Variants in HOXA3 observed in about 807,000 individuals in gnomAD.
HOXA3 encodes homeobox protein Hox-A3.
Under a neutral mutation model 30.3 loss-of-function variants are expected in HOXA3, and 8 were observed. The ratio of observed to expected loss-of-function variants is 0.26; its 90% CI spans 0.15 to 0.48. HOXA3 has a LOEUF of 0.48. HOXA3 is among the 20% of genes least tolerant of loss of function. The probability of loss-of-function intolerance (pLI) is 0.99; values close to 1 mark genes in which losing one functional copy is unlikely to be tolerated. For missense variants in HOXA3, 653 were observed against 614.4 expected (o/e 1.06, Z -0.66); for synonymous variants, 323 against 273.1 (o/e 1.18, Z -1.80).
chr7:27,135,628 CTT>C (rs575702750), intron 2 of HOXA3, among the ~76,000 whole-genome samples: 63 of 152,298 alleles, frequency 4.1e-4, no homozygotes, highest in African/African-American at 1.5e-3. Context: ...TTCTTACACA[CTT>C]TAGGGGTCAT....
chr7:27,112,901 A>T (rs1048077934), intron 4 of HOXA3, among the ~76,000 whole-genome samples: 1 of 152,232 alleles, frequency 6.6e-6, no homozygotes, highest in Non-Finnish European at 1.5e-5. Flanking sequence ...CTTACAAAAT[A>T]ACAAAAATAT....
chr7:27,127,468 G>T (rs1383278209), intron 2 of HOXA3, among the ~76,000 whole-genome samples: 1 of 152,236 alleles, frequency 6.6e-6, no homozygotes, highest in Non-Finnish European at 1.5e-5. Context: ...TGCCACTAAT[G>T]AGAGAAATGT....
chr7:27,130,448 C>A, intron 2 of HOXA3: 1 of 1,218,044 alleles, frequency 8.2e-7, no homozygotes, highest in East Asian at 3.5e-5. Context: ...GCGGTGTCCG[C>A]GGCCCCATGC....
intron 1 of HOXA3, chr7:27,145,452 GTTTTGTTTTGTTTTGTTTTGTTTT>G (rs1562730695): frequency 1.1e-4 from 60 of 558,042 alleles, no homozygotes; most frequent in Non-Finnish European, 1.5e-4. Context: ...GTGAGGTTTT[GTTTTGTTTTGTTTTGTTTTGTTTT>G]GTTTTGTTTT....
rs189829974 is a variant in HOXA3 at position 27,135,684 on chromosome 7, C to T, written c.-390+4399G>A. Among the ~76,000 whole-genome samples, 1,268 of 152,334 alleles carry T rather than the reference C, an allele frequency of 8.3e-3. 8 individuals carry two copies. The highest frequency in any genetic ancestry group is 0.017 in the Middle Eastern group (5 of 294). The stretch of plus-strand genomic sequence containing the variant: ...AAAAAACCGGCCAATCAGAATCCCT[C>T]TTTTCAAATAAAGGAGGTTTCCTGC... On this transcript the variant is annotated intron_variant, in intron 2 of 5. Transcript: ENST00000612286.
Position 27,107,927 on chromosome 7 carries a change from G to A in HOXA3, c.1320C>T (p.Leu440=). 4 of 1,575,246 alleles carry A rather than the reference G, an allele frequency of 2.5e-6. No homozygotes were observed. The highest frequency in any genetic ancestry group is 3.5e-6 in the Non-Finnish European group (4 of 1,153,056). The change falls in exon 6 of 6, where the codon CTC becomes CTT. Residue 440 remains leucine, a synonymous_variant. Coordinates refer to ENST00000612286, the MANE Select transcript of HOXA3 (RefSeq NM_153631.3). The part of the protein sequence containing the change: ...SQGRIQEAPK[L]THL The stretch of plus-strand genomic sequence containing the variant: ...CCCAAGCCCACTATCACAGGTGGGT[G>A]AGCTTGGGTGCTTCCTGAATTCTTC...
intron 1 of HOXA3, chr7:27,140,591 G>C (rs1366704704): frequency 6.6e-6 from 1 of 152,214 alleles, no homozygotes; most frequent in Non-Finnish European, 1.5e-5. Context: ...AAGCCAACTG[G>C]GTCCCGGGTG....
At chr7:27,138,840 T>C (rs779161171) in intron 2 of HOXA3, among the ~76,000 whole-genome samples, 1 of 152,228 alleles carries the variant, frequency 6.6e-6, no homozygotes, top group Non-Finnish European at 1.5e-5. Context: ...GGCGGAAATC[T>C]CCTACTGACA....
chr7:27,109,589 T>C (rs1400047558), intron 5 of HOXA3, among the ~76,000 whole-genome samples: 3 of 152,232 alleles, frequency 2.0e-5, no homozygotes, highest in South Asian at 2.1e-4. Context: ...AGGAGATCTT[T>C]GGCTGCTTTC....
rs1020839960 is a variant in HOXA3, at chr7:27,110,247, T to C, written c.394A>G (p.Ser132Gly). Residue 132 changes from serine to glycine, a missense_variant, in exon 5 of 6, where the codon AGC becomes GGC. By Grantham distance (56) the Ser-to-Gly change is moderately conservative. Around this residue, in one of 3 missense-constraint regions of HOXA3, gnomAD observed 320 missense variants for 321.9 expected, o/e 0.99. Transcript: ENST00000612286. ...PSSASPPQNA[S>G]NNPTPANAAK... is the part of the protein sequence containing the mutation. ...GCGTTGGCAGGGGTAGGGTTGTTGC[T>C]GGCATTCTGAGGAGGGGAGGCAGAA... 7 of 1,592,282 alleles carry C rather than the reference T, an allele frequency of 4.4e-6. No individual in the cohort carries two copies. The highest frequency in any genetic ancestry group is 5.1e-6 in the Non-Finnish European group (6 of 1,172,666).
At chr7:27,134,532 G>A (rs964950361) in intron 2 of HOXA3, among the ~76,000 whole-genome samples, 1 of 152,190 alleles carries the variant, frequency 6.6e-6, no homozygotes, top group Non-Finnish European at 1.5e-5. Context: ...CAATAAAAAG[G>A]TTTTTCCCAA....
intron 2 of HOXA3, chr7:27,130,405 G>A: frequency 8.6e-7 from 1 of 1,168,042 alleles, no homozygotes; most frequent in East Asian, 3.9e-5. Flanking sequence ...CGGCCGCCCG[G>A]GGCTGGCGCC....
At chr7:27,127,885 T>A (rs557971515) in intron 2 of HOXA3, among the ~76,000 whole-genome samples, 4 of 152,236 alleles carry the variant, frequency 2.6e-5, no homozygotes, top group African/African-American at 9.6e-5. Flanking sequence ...CATTGGAGAG[T>A]GTACTTGTAA....
Position 27,128,425 on chromosome 7 carries a change from A to T in HOXA3, c.-389-1355T>A, listed in dbSNP as rs764951635. 3 of 152,274 alleles carry T rather than the reference A, an allele frequency of 2.0e-5. No homozygotes were observed. In the South Asian group the frequency reaches 6.2e-4, roughly 32 times the overall value. The allele number at this position is 152,274 out of a possible 1,614,324, so 9.4% of individuals were successfully genotyped here. A position where few individuals can be genotyped will look rare whatever the true frequency, so the allele number is the denominator to read the frequency against. On this transcript the variant is annotated intron_variant, in intron 2 of 5. Transcript: ENST00000612286. ...AATCCAAGTGAATCCAGCTCAAGCT[A>T]TCTACAAGGTTTTTACATGCAAGGT...
chr7:27,114,828 A>ATATATATAATATATATTATATATAT lies in HOXA3; in HGVS notation c.-120-4069_-120-4068insATATATATAATATATATTATATATA, dbSNP rs1784595327. Among the ~76,000 whole-genome samples the ATATATATAATATATATTATATATAT allele has an allele frequency of 3.4e-4, 21 of 62,346 alleles. 1 individual carries two copies. In the South Asian group the frequency reaches 4.7e-3, roughly 14 times the overall value. 40.9% of individuals were successfully genotyped at this position (62,346 alleles called of 152,430 possible). ...TTCCTAAAACATACATATATATATAATATATATTATATATATAATATATAT... is the reference window on the plus strand; with the variant it reads ...TTCCTAAAACATACATATATATATAATATATATAATATATATTATATATATTATATATTATATATATAATATATAT... On this transcript the variant is annotated intron_variant, in intron 4 of 5. Transcript: ENST00000612286.
intron 4 of HOXA3, among the ~76,000 whole-genome samples, chr7:27,111,630 A>G (rs1028765298): frequency 6.6e-5 from 10 of 151,188 alleles, no homozygotes; most frequent in African/African-American, 2.4e-4. Flanking sequence ...AGCCACCCCC[A>G]CTTCTTTACT....
At chr7:27,130,158 G>C in intron 2 of HOXA3, 1 of 1,602,346 alleles carries the variant, frequency 6.2e-7, no homozygotes. Context: ...GGTACACCAC[G>C]GGCTCCTTGC....
rs753413571 is a variant in HOXA3, at chr7:27,108,274, G to T, written c.973C>A (p.Pro325Thr). The change falls in exon 6 of 6, where the codon CCA becomes ACA. Residue 325 changes from proline to threonine, a missense_variant. Pro to Thr is a conservative substitution (Grantham distance 38, BLOSUM62 -1). Transcript: ENST00000612286. The surrounding 1 kb of genome is among the most constrained non-coding windows in gnomAD (Gnocchi z 5.0). ...SLPSCAPPPPPQKRYTAAGAG... is the reference protein window; with the variant it reads ...SLPSCAPPPPTQKRYTAAGAG... The stretch of plus-strand genomic sequence containing the variant: ...CCTGCCGCCGTGTAGCGCTTCTGTG[G>T]GGGTGGCGGGGGTGCGCAGCTGGGC... 1.6e-5 allele frequency: 25 copies of T among 1,516,924 alleles called. No individual in the cohort carries two copies. In the African/African-American group the frequency reaches 3.3e-4, roughly 20 times the overall value. The allele number at this position is 1,516,924 out of a possible 1,614,324, so 94.0% of individuals were successfully genotyped here.
chr7:27,151,300 C>G (rs1458604643), intron 1 of HOXA3: 2 of 304,436 alleles, frequency 6.6e-6, no homozygotes, highest in African/African-American at 2.2e-5. Flanking sequence ...TTCGAGCCAC[C>G]GCGCTACGCA....
Sources: allele counts gnomAD v4.1 joint callset (sites outside exome capture counted in the v4.1 genomes callset), GRCh38; gene constraint gnomAD v4.1.1; regional missense constraint gnomAD v4.1.1; non-coding constraint Gnocchi (gnomAD v3.1); transcripts MANE v1.5; gene names NCBI Gene and HGNC (gene_info 2026-07-23, HGNC 2026-07-21).